The following ZFYVE28 variants were observed in gnomAD, a reference collection of about 807,000 sequenced individuals.
The protein encoded by ZFYVE28 is lateral signaling target protein 2 homolog.
A neutral mutation model predicts 82.1 loss-of-function variants in ZFYVE28; 40 were observed. The ratio of observed to expected loss-of-function variants is 0.49; its 90% confidence interval spans 0.38 to 0.63. ZFYVE28 has a LOEUF of 0.63. Ranked by LOEUF, ZFYVE28 falls within the 30% of genes least tolerant of loss-of-function variation. ZFYVE28 has a pLI of 0.00. For synonymous variants in ZFYVE28, 612 were observed against 546.1 expected (o/e 1.12, Z -1.68); for missense variants, 1,321 against 1,242.1 (o/e 1.06, Z -0.96).
chr4:2,325,780 A>T (rs1048743542), intron 6 of ZFYVE28, among the ~76,000 whole-genome samples: 9 of 151,842 alleles, frequency 5.9e-5, no homozygotes, highest in Non-Finnish European at 4.4e-5. Flanking sequence ...TGCTGTTGGG[A>T]TGAGGTTTCA....
rs184012890 is a variant in ZFYVE28 at position 2,364,852 on chromosome 4, C to G, written c.40-10779G>C. ...CCGCGATACCGCGATAAAACCCCCA[C>G]GTCGCCGCGGCAAAGTCGCGAGAGT... On this transcript the variant is annotated intron_variant, in intron 1 of 12. Transcript: ENST00000290974. The G allele has an allele frequency of 2.7e-4, 266 of 985,510 alleles. No individual in the cohort carries two copies. In the South Asian group the frequency reaches 7.2e-3, roughly 27 times the overall value. 61.0% of individuals were successfully genotyped at this position (985,510 alleles called of 1,614,324 possible).
chr4:2,277,315 AATAAAAT>A (rs1470391565), intron 8 of ZFYVE28, among the ~76,000 whole-genome samples: 1 of 152,164 alleles, frequency 6.6e-6, no homozygotes, highest in Non-Finnish European at 1.5e-5. Context: ...CCCCGTCTCT[AATAAAAT>A]ACAAAAAATT....
chr4:2,416,047 C>G lies in ZFYVE28; in HGVS notation c.39+2238G>C, dbSNP rs1733001927. ...GAGATCCACATCAATCCTGTTCCAT[C>G]CCTTCTCCGGAGGCACACAGCTCTG... On this transcript the variant is annotated intron_variant, in intron 1 of 12. Transcript: ENST00000290974. This position sits in a 1 kb window ranked among gnomAD's most constrained non-coding sequence, Gnocchi z 4.6. Among the ~76,000 whole-genome samples, 1 of 152,192 alleles carries G rather than the reference C, an allele frequency of 6.6e-6. No homozygotes were observed. The highest frequency in any genetic ancestry group is 1.5e-5 in the Non-Finnish European group (1 of 68,040).
intron 9 of ZFYVE28, 80 bp from the exon 10 acceptor site, chr4:2,273,369 GA>G: frequency 8.0e-7 from 1 of 1,251,990 alleles, no homozygotes; most frequent in Non-Finnish European, 1.1e-6. Context: ...GGGCTGGGCA[GA>G]CCCAGCCAGA....
intron 7 of ZFYVE28, among the ~76,000 whole-genome samples, chr4:2,310,163 C>G (rs1361119777): frequency 2.0e-5 from 3 of 152,094 alleles, no homozygotes; most frequent in Non-Finnish European, 4.4e-5. Flanking sequence ...CTCAGCCTCC[C>G]AAGTAGCTGT....
chr4:2,345,393 A>C (rs913199692), intron 2 of ZFYVE28, among the ~76,000 whole-genome samples: 2 of 152,132 alleles, frequency 1.3e-5, no homozygotes, highest in Non-Finnish European at 2.9e-5. Flanking sequence ...AAAGTCCCTA[A>C]CTGATTTAGA....
At chr4:2,357,949 G>T (rs1482749479) in intron 1 of ZFYVE28, among the ~76,000 whole-genome samples, 2 of 152,208 alleles carry the variant, frequency 1.3e-5, no homozygotes, top group Admixed American at 1.3e-4. Flanking sequence ...GTAAGCGGAG[G>T]AGACGGCTCA....
chr4:2,363,662 T>C lies in ZFYVE28; in HGVS notation c.40-9589A>G, dbSNP rs572215502. Among the ~76,000 whole-genome samples the C allele has an allele frequency of 2.0e-5, 3 of 152,326 alleles. No homozygotes were observed. The South Asian group carries it at 6.2e-4, about 32-fold the overall frequency. The stretch of plus-strand genomic sequence containing the variant: ...GTGTTGCGTAACTTGTATGTGAGCA[T>C]GTAGGTCACCAGCGCATGGAGGACT... On this transcript the variant is annotated intron_variant, in intron 1 of 12. Coordinates refer to ENST00000290974, the MANE Select transcript of ZFYVE28 (RefSeq NM_020972.3).
At chr4:2,391,455 C>CTTTTTTTTTTTTTTTTTTTTTTT (rs140103966) in intron 1 of ZFYVE28, among the ~76,000 whole-genome samples, 1 of 117,224 alleles carries the variant, frequency 8.5e-6, no homozygotes, top group Non-Finnish European at 1.7e-5. Flanking sequence ...GGTCAATTAT[C>CTTTTTTTTTTTTTTTTTTTTTTT]TTTTTTTTTT....
At chr4:2,303,878 C>T (rs904020456) in intron 8 of ZFYVE28, among the ~76,000 whole-genome samples, 22 of 152,350 alleles carry the variant, frequency 1.4e-4, no homozygotes, top group South Asian at 4.1e-4. Context: ...GCAGTGCGCT[C>T]GGATGCGGCT....
At chr4:2,371,636 C>T (rs1727563710) in intron 1 of ZFYVE28, among the ~76,000 whole-genome samples, 1 of 152,038 alleles carries the variant, frequency 6.6e-6, no homozygotes, top group African/African-American at 2.4e-5. Flanking sequence ...CAGGGGCTCC[C>T]GGCAGGGCAA....
chr4:2,311,321 C>T (rs1192849648), intron 7 of ZFYVE28, among the ~76,000 whole-genome samples: 4 of 152,078 alleles, frequency 2.6e-5, no homozygotes, highest in South Asian at 2.1e-4. Flanking sequence ...GTCAGGAGTT[C>T]GAGACCAGCC....
At chr4:2,283,575 C>G (rs970554437) in intron 8 of ZFYVE28, among the ~76,000 whole-genome samples, 1 of 151,410 alleles carries the variant, frequency 6.6e-6, no homozygotes, top group Non-Finnish European at 1.5e-5. Flanking sequence ...ACCGTCCATC[C>G]ACCCATCCAT....
intron 1 of ZFYVE28, among the ~76,000 whole-genome samples, chr4:2,380,999 T>C (rs1044017457): frequency 1.3e-5 from 2 of 152,172 alleles, no homozygotes; most frequent in African/African-American, 4.8e-5. Flanking sequence ...TGGAAGAGAA[T>C]AACAGGCAGA....
rs1732136462 is a variant in ZFYVE28 at position 2,408,280 on chromosome 4, C to A, written c.39+10005G>T. Reference sequence around the variant, plus strand: ...AGAACATCCTACCAAGCCAGCATTTCCCTGCATCCCCACACCTGCCCTTTG... The same window carrying A: ...AGAACATCCTACCAAGCCAGCATTTACCTGCATCCCCACACCTGCCCTTTG... On this transcript the variant is annotated intron_variant, in intron 1 of 12. Transcript: ENST00000290974. This position sits in a 1 kb window ranked among gnomAD's most constrained non-coding sequence, Gnocchi z 4.3. 6.6e-6 allele frequency among the ~76,000 whole-genome samples: 1 copy of A among 152,194 alleles called. No homozygotes were observed.
rs1324316104 is a variant in ZFYVE28, at chr4:2,335,346, C to G, written c.701+359G>C. On this transcript the variant is annotated intron_variant, in intron 6 of 12. Transcript: ENST00000290974. This position sits in a 1 kb window ranked among gnomAD's most constrained non-coding sequence, Gnocchi z 5.8. Reference sequence around the variant, plus strand: ...ACCACCAAGTCTGCCTCCCACAGCCCCTGCGTGGCCACTCTGTTCCGAGCA... The same window carrying G: ...ACCACCAAGTCTGCCTCCCACAGCCGCTGCGTGGCCACTCTGTTCCGAGCA... 1.3e-5 allele frequency among the ~76,000 whole-genome samples: 2 copies of G among 152,192 alleles called. No individual in the cohort carries two copies. The highest frequency in any genetic ancestry group is 2.9e-5 in the Non-Finnish European group (2 of 68,036).
At chr4:2,284,661 T>C (rs1244300023) in intron 8 of ZFYVE28, among the ~76,000 whole-genome samples, 1 of 152,112 alleles carries the variant, frequency 6.6e-6, no homozygotes, top group Non-Finnish European at 1.5e-5. Context: ...GGACATCTTG[T>C]CTCCTCTTAT....
rs531035789 is a variant in ZFYVE28, at chr4:2,373,016, C to CT, written c.40-18944dup. On this transcript the variant is annotated intron_variant, in intron 1 of 12. Transcript: ENST00000290974. ...CCTTACCCTATGCCTGAGCCAGCCT[C>CT]TACCCCCACAGCCACCCCCACCACA... Among the ~76,000 whole-genome samples, 6 of 152,300 alleles carry CT rather than the reference C, an allele frequency of 3.9e-5. No homozygotes were observed. The East Asian group carries it at 1.2e-3, about 29-fold the overall frequency.
At chr4:2,284,988 T>C (rs1325576553) in intron 8 of ZFYVE28, among the ~76,000 whole-genome samples, 2 of 152,224 alleles carry the variant, frequency 1.3e-5, no homozygotes, top group Non-Finnish European at 2.9e-5. Flanking sequence ...TACCTTAAAA[T>C]GTGACCTTAT....
Sources: allele counts gnomAD v4.1 joint callset (sites outside exome capture counted in the v4.1 genomes callset), GRCh38; gene constraint gnomAD v4.1.1; non-coding constraint Gnocchi (gnomAD v3.1); transcripts MANE v1.5; gene names NCBI Gene and HGNC (gene_info 2026-07-23, HGNC 2026-07-21).